CPT1A: variants seen among roughly 807,000 people sequenced by gnomAD.
CPT1A encodes the protein carnitine palmitoyltransferase 1A.
Under a neutral mutation model 100.8 loss-of-function variants are expected in CPT1A, and 64 were observed. The ratio of observed to expected loss-of-function variants is 0.63; its 90% CI spans 0.52 to 0.78. The LOEUF (loss-of-function observed/expected upper bound fraction) is 0.78, where lower values mean the gene tolerates loss of function less well. CPT1A is among the 30% of genes least tolerant of loss of function. CPT1A has a pLI of 0.00. For missense variants in CPT1A, 802 were observed against 1,034.1 expected, an observed-to-expected ratio of 0.78 and a Z score of 3.08; for synonymous variants, 363 against 396.0, an observed-to-expected ratio of 0.92 and a Z score of 0.99.
chr11:68,785,805 C>T, intron 9 of CPT1A: 1 of 551,138 alleles, frequency 1.8e-6, no homozygotes, highest in Non-Finnish European at 3.2e-6. Context: ...TGCTGAGAAA[C>T]ATTCCGATAA....
In CPT1A at chr11:68,757,471, T is replaced by A; in HGVS notation, c.*173A>T. ...AGTCTGGAAGTAGTGGGGTTATGCT[T>A]CACAGGGGAGAGATACTGTTCTAGG... is the stretch of plus-strand genomic sequence containing the variant. On this transcript the variant is annotated 3_prime_UTR_variant, in exon 19 of 19. Transcript: ENST00000265641. 1 of 1,482,606 alleles carries A rather than the reference T, an allele frequency of 6.7e-7. No homozygotes were observed. Among genetic ancestry groups the A allele is most frequent in the Non-Finnish European group, 8.9e-7 (1 of 1,121,976 alleles). 91.8% of individuals were successfully genotyped at this position (1,482,606 alleles called of 1,614,324 possible).
chr11:68,770,421 C>A (rs1433045971), intron 14 of CPT1A, among the ~76,000 whole-genome samples: 1 of 152,196 alleles, frequency 6.6e-6, no homozygotes, highest in African/African-American at 2.4e-5. Context: ...TCTTCCTGCC[C>A]AATTACCCTG....
chr11:68,792,445 G>C (rs1250398520), intron 9 of CPT1A, among the ~76,000 whole-genome samples: 6 of 152,236 alleles, frequency 3.9e-5, no homozygotes, highest in African/African-American at 1.4e-4. Flanking sequence ...ATGGTCTTGG[G>C]CTCTAGCTCA....
At position 68,759,555 on chromosome 11, in the gene CPT1A, C is replaced by A. The variant is rs373547741; in HGVS notation, c.2235+14G>T. On this transcript the variant is annotated intron_variant, in intron 18 of 18. Coordinates refer to ENST00000265641, the MANE Select transcript of CPT1A (RefSeq NM_001876.4). ...ACCCCATCTTCAGAAAAAGGAACTT[C>A]TTTTCATACATACCGTCTCAGGGCA... is the stretch of plus-strand genomic sequence containing the variant. The A allele has an allele frequency of 1.9e-6, 3 of 1,563,826 alleles. No homozygotes were observed. Among genetic ancestry groups the A allele is most frequent in the Non-Finnish European group, 2.6e-6 (3 of 1,134,352 alleles).
Position 68,841,057 on chromosome 11 carries a change from C to T in CPT1A, c.-14+718G>A, listed in dbSNP as rs916281398. 6.6e-6 allele frequency among the ~76,000 whole-genome samples: 1 copy of T among 152,200 alleles called. No homozygotes were observed. Among genetic ancestry groups the T allele is most frequent in the African/African-American group, 2.4e-5 (1 of 41,448 alleles). On this transcript the variant is annotated intron_variant, in intron 1 of 18. Transcript: ENST00000265641. This position sits in a 1 kb window ranked among gnomAD's most constrained non-coding sequence, Gnocchi z 6.3. ...GCTCGGACCGCGCCTGGAGTCCCTG[C>T]GCCAAGGGCGTGTCCCGACGGCTGC...
intron 11 of CPT1A, 77 bp downstream of exon 11, chr11:68,781,694 G>T: frequency 8.5e-7 from 1 of 1,173,016 alleles, no homozygotes; most frequent in South Asian, 1.2e-5. Context: ...GATACTTAGG[G>T]GTGAGTGTCA....
At chr11:68,774,284 G>A (rs963879997) in intron 13 of CPT1A, among the ~76,000 whole-genome samples, 2 of 152,068 alleles carry the variant, frequency 1.3e-5, no homozygotes, top group African/African-American at 4.8e-5. Flanking sequence ...CTGCAGACCC[G>A]TACAGATATG....
chr11:68,793,295 C>G lies in CPT1A; in HGVS notation c.967+20G>C. 1.9e-6 allele frequency: 3 copies of G among 1,587,584 alleles called. No homozygotes were observed. Among genetic ancestry groups the G allele is most frequent in the Non-Finnish European group, 1.7e-6 (2 of 1,159,708 alleles). On this transcript the variant is annotated intron_variant, in intron 9 of 18. Transcript: ENST00000265641. Reference sequence around the variant, plus strand: ...GGAAAGTGCCGATTCTCCAGGGGGCCCTGAAGAAGCTTGACTCACCTGTCT... The same window carrying G: ...GGAAAGTGCCGATTCTCCAGGGGGCGCTGAAGAAGCTTGACTCACCTGTCT...
chr11:68,791,632 G>A (rs551990643), intron 9 of CPT1A, among the ~76,000 whole-genome samples: 1 of 152,256 alleles, frequency 6.6e-6, no homozygotes, highest in East Asian at 1.9e-4. Flanking sequence ...CACCTCCCAT[G>A]TTCAAGTGAT....
At chr11:68,829,914 T>C (rs748855554) in intron 1 of CPT1A, among the ~76,000 whole-genome samples, 1 of 152,126 alleles carries the variant, frequency 6.6e-6, no homozygotes, top group Non-Finnish European at 1.5e-5. Flanking sequence ...AGAAATCACT[T>C]CTGAGAAGCT....
chr11:68,757,421 A>G lies in CPT1A; in HGVS notation c.*223T>C, dbSNP rs1352879547. 1.4e-6 allele frequency: 2 copies of G among 1,420,018 alleles called. No individual in the cohort carries two copies. Among genetic ancestry groups the G allele is most frequent in the Non-Finnish European group, 1.8e-6 (2 of 1,092,058 alleles). The allele number at this position is 1,420,018 out of a possible 1,614,324, so 88.0% of individuals were successfully genotyped here. On this transcript the variant is annotated 3_prime_UTR_variant, in exon 19 of 19. Coordinates refer to ENST00000265641, the MANE Select transcript of CPT1A (RefSeq NM_001876.4). ...ATGCGGAGACATCAGGGGAGACTTT[A>G]TCAGATGTCCCCCAAGGGAGGGCAA...
In CPT1A at chr11:68,762,637, G is replaced by A. The variant is rs776782808; in HGVS notation, c.1865C>T (p.Pro622Leu). ...CTGATGGCACATTACCGTCTGGGCC[G>A]GGTCCACCATGGCCCGCACGAAGTC... ...SCDFVRAMVD[P>L]AQTVEQRLKL... The change falls in exon 15 of 19, where the codon CCG becomes CTG. Residue 622 changes from proline (P) to leucine (L), a missense_variant. Pro to Leu is a moderately conservative substitution (Grantham distance 98). This residue lies in a region of CPT1A where 627 missense variants were observed against 799.3 expected (regional missense o/e 0.78). Coordinates refer to ENST00000265641, the MANE Select transcript of CPT1A (RefSeq NM_001876.4). 3.0e-5 allele frequency: 49 copies of A among 1,613,552 alleles called. No homozygotes were observed. The East Asian group carries it at 6.0e-4, about 20-fold the overall frequency.
intron 5 of CPT1A, among the ~76,000 whole-genome samples, chr11:68,801,785 A>G (rs1201997643): frequency 1.3e-5 from 2 of 151,662 alleles, no homozygotes; most frequent in Non-Finnish European, 2.9e-5. Flanking sequence ...TAAAGCACCC[A>G]TGCACTGCTG....
intron 10 of CPT1A, among the ~76,000 whole-genome samples, chr11:68,783,598 T>C (rs1198221281): frequency 1.3e-5 from 2 of 152,204 alleles, no homozygotes; most frequent in Non-Finnish European, 2.9e-5. Context: ...AGCGTAGCAG[T>C]TGTCACACTG....
intron 16 of CPT1A, among the ~76,000 whole-genome samples, chr11:68,760,560 G>A (rs1330554223): frequency 2.6e-5 from 4 of 152,080 alleles, no homozygotes; most frequent in Admixed American, 2.6e-4. Context: ...GTGGGGGTGG[G>A]GGCATACCAG....
At chr11:68,835,538 C>T (rs1366006433) in intron 1 of CPT1A, among the ~76,000 whole-genome samples, 1 of 152,208 alleles carries the variant, frequency 6.6e-6, no homozygotes, top group Admixed American at 6.5e-5. Flanking sequence ...TTGCTAGAGC[C>T]TGTATTTACT....
At chr11:68,803,753 A>G (rs922198552) in intron 5 of CPT1A, among the ~76,000 whole-genome samples, 2 of 148,704 alleles carry the variant, frequency 1.3e-5, no homozygotes, top group East Asian at 3.9e-4. Context: ...AAAATAAAAT[A>G]AAATAAAGCT....
Position 68,841,876 on chromosome 11 carries a change from C to T in CPT1A, c.-115G>A. The T allele has an allele frequency of 1.0e-6, 1 of 987,772 alleles. No individual in the cohort carries two copies. Among genetic ancestry groups the T allele is most frequent in the Non-Finnish European group, 1.2e-6 (1 of 832,192 alleles). 61.2% of individuals were successfully genotyped at this position (987,772 alleles called of 1,614,324 possible). A position where few individuals can be genotyped will look rare whatever the true frequency, so the allele number is the denominator to read the frequency against. On this transcript the variant is annotated 5_prime_UTR_variant, in exon 1 of 19. Transcript: ENST00000265641. This position sits in a 1 kb window ranked among gnomAD's most constrained non-coding sequence, Gnocchi z 6.3. ...AGCGGGAGCCGGGGAAGGAGGGCCG[C>T]GGGCGAGGCCGAGCGCACCCGACGC...
chr11:68,786,715 G>C (rs530488068), intron 9 of CPT1A, among the ~76,000 whole-genome samples: 21 of 152,320 alleles, frequency 1.4e-4, no homozygotes, highest in African/African-American at 4.8e-4. Flanking sequence ...TTTTAGTAGA[G>C]ATGGGGTTTC....
Sources: gnomAD v4.1 joint callset for allele counts (sites outside exome capture counted in the v4.1 genomes callset) on GRCh38, gnomAD v4.1.1 for gene constraint, gnomAD v4.1.1 regional missense constraint, Gnocchi (gnomAD v3.1) non-coding constraint, MANE v1.5 for transcripts, NCBI Gene and HGNC (gene_info 2026-07-23, HGNC 2026-07-21) for gene names.